The following LANCL1 variants were observed in gnomAD, a reference collection of about 807,000 sequenced individuals.
LANCL1 encodes the protein glutathione S-transferase LANCL1.
A neutral mutation model predicts 50.6 loss-of-function variants in LANCL1; 50 were observed. The ratio of observed to expected loss-of-function variants is 0.99; its 90% confidence interval spans 0.79 to 1.25. The LOEUF is 1.25. LANCL1 is among the 50% of genes most tolerant of loss of function. The pLI, the probability that LANCL1 is intolerant of heterozygous loss-of-function variation, is 0.00. For synonymous variants in LANCL1, 188 were observed against 178.6 expected, an observed-to-expected ratio of 1.05 and a Z score of -0.42; for missense variants, 532 against 480.7, an observed-to-expected ratio of 1.11 and a Z score of -1.00.
intron 4 of LANCL1, among the ~76,000 whole-genome samples, chr2:210,446,146 C>T (rs1202625659): frequency 6.9e-6 from 1 of 145,030 alleles, no homozygotes; most frequent in Non-Finnish European, 1.6e-5. Flanking sequence ...GAGTCCCTGC[C>T]CCCCTGTGCT....
intron 6 of LANCL1, among the ~76,000 whole-genome samples, chr2:210,439,290 G>A (rs1693044553): frequency 6.6e-6 from 1 of 152,144 alleles, no homozygotes; most frequent in Non-Finnish European, 1.5e-5. Context: ...TCTTACTACA[G>A]CTAACACAAG....
chr2:210,458,481 G>A (rs1221051407), intron 3 of LANCL1, among the ~76,000 whole-genome samples: 2 of 152,208 alleles, frequency 1.3e-5, no homozygotes, highest in Middle Eastern at 3.2e-3. Flanking sequence ...TTGCAAGGGA[G>A]TGTATGAAAC....
chr2:210,474,108 T>A (rs3770685), intron 2 of LANCL1, among the ~76,000 whole-genome samples: 1 of 152,034 alleles, frequency 6.6e-6, no homozygotes, highest in African/African-American at 2.4e-5. Flanking sequence ...TGTGAGAATA[T>A]TGATTGCTTG....
chr2:210,448,535 A>C (rs1443147299), intron 4 of LANCL1, among the ~76,000 whole-genome samples: 1 of 151,952 alleles, frequency 6.6e-6, no homozygotes, highest in Non-Finnish European at 1.5e-5. Context: ...GACATGAAAA[A>C]CCCTTCAAAA....
In LANCL1 at chr2:210,471,989, G is replaced by A. The variant is rs142719586; in HGVS notation, c.169C>T (p.Arg57Trp). 1.5e-5 allele frequency: 25 copies of A among 1,613,924 alleles called. No individual in the cohort carries two copies. The highest frequency in any genetic ancestry group is 4.5e-5 in the East Asian group (2 of 44,876). The change falls in exon 3 of 10, where the codon CGG becomes TGG. Residue 57 changes from arginine to tryptophan, a missense_variant. Physicochemically the swap from Arg to Trp is moderately radical, Grantham distance 101 (BLOSUM62 -3). Transcript: ENST00000450366. ...CAGCCAGTGTAACCGGTGCCATCCC[G>A]AGGGTCTGCTGATTTCAGGCCTCTC... Reference protein sequence around the residue: ...MERGLKSADPRDGTGYTGWAG... With the variant: ...MERGLKSADPWDGTGYTGWAG...
rs769141636 is a variant in LANCL1 at position 210,436,302 on chromosome 2, A to C, written c.964T>G (p.Cys322Gly). Residue 322 changes from cysteine (C) to glycine (G), a missense_variant, in exon 8 of 10, where the codon TGC becomes GGC. By Grantham distance (159) the Cys-to-Gly change is radical (BLOSUM62 -3). Transcript: ENST00000450366. ...YGLLKKGYGL[C>G]HGSAGNAYAF... is the part of the protein sequence containing the mutation. ...TAGGCATTCCCTGCAGAACCGTGGC[A>C]CAGCCCATATCCCTTCTTCAGCAAC... The C allele has an allele frequency of 6.2e-7, 1 of 1,614,112 alleles. No individual in the cohort carries two copies. Among genetic ancestry groups the C allele is most frequent in the Non-Finnish European group, 8.5e-7 (1 of 1,179,984 alleles).
chr2:210,442,571 T>C (rs1693177827), intron 4 of LANCL1: 3 of 152,184 alleles, frequency 2.0e-5, no homozygotes, highest in Admixed American at 2.0e-4. Flanking sequence ...CTCTGCACCT[T>C]GTGTCTCCCT....
chr2:210,468,429 T>A (rs1262082448), intron 3 of LANCL1: 2 of 152,192 alleles, frequency 1.3e-5, no homozygotes. Context: ...AAATCATTTT[T>A]CTTGTTATAT....
At chr2:210,466,641 C>G (rs1051780090) in intron 3 of LANCL1, among the ~76,000 whole-genome samples, 4 of 152,174 alleles carry the variant, frequency 2.6e-5, no homozygotes, top group Admixed American at 2.6e-4. Flanking sequence ...TCTCTAAGTT[C>G]TCCAATAAAA....
rs146925909 is a variant in LANCL1, at chr2:210,441,338, C to T, written c.513G>A (p.Val171=). 38 of 1,612,368 alleles carry T rather than the reference C, an allele frequency of 2.4e-5. No individual in the cohort carries two copies. Among genetic ancestry groups the T allele is most frequent in the Non-Finnish European group, 3.2e-5 (38 of 1,179,008 alleles). Residue 171 remains valine (V), a synonymous_variant, in exon 5 of 10, where the codon GTG becomes GTA. Transcript: ENST00000450366. The stretch of plus-strand genomic sequence containing the variant: ...GAATATGGCTTTGAGGAATCTTTTC[C>T]ACTCCAAAGTTCTTATTGACAAAAA... The part of the protein sequence containing the change: ...ALLFVNKNFG[V]EKIPQSHIQQ...
In LANCL1 at chr2:210,437,696, G is replaced by T; in HGVS notation, c.867C>A (p.Ala289=). ...APGVIYMLIQ[A]YKVFREEKYL... ...TCAAAAATACACACAGTACCTTATAGGCCTGGATGAGCATGTAGATTACCC... is the reference window on the plus strand; with the variant it reads ...TCAAAAATACACACAGTACCTTATATGCCTGGATGAGCATGTAGATTACCC... The change falls in exon 7 of 10, where the codon GCC becomes GCA. Residue 289 remains alanine (A), a synonymous_variant. Coordinates refer to ENST00000450366, the MANE Select transcript of LANCL1 (RefSeq NM_006055.3). 6.3e-7 allele frequency: 1 copy of T among 1,585,592 alleles called. No homozygotes were observed. Among genetic ancestry groups the T allele is most frequent in the Non-Finnish European group, 8.6e-7 (1 of 1,168,468 alleles).
At chr2:210,476,790 G>A (rs1694398565), upstream of LANCL1, 5 of 1,013,260 alleles carry the variant, frequency 4.9e-6, no homozygotes, top group Admixed American at 5.3e-5. Context: ...GCCAATCAGA[G>A]CCTTCGCCGT....
At chr2:210,474,739 A>AAAATAAATAAATAAACAAAT (rs1694309501) in intron 2 of LANCL1, among the ~76,000 whole-genome samples, 1 of 147,990 alleles carries the variant, frequency 6.8e-6, no homozygotes, top group Admixed American at 6.7e-5. Context: ...AATAAAAATA[A>AAAATAAATAAATAAACAAAT]AAATAAATAA....
chr2:210,461,812 A>G (rs1470711247), intron 3 of LANCL1, among the ~76,000 whole-genome samples: 6 of 151,740 alleles, frequency 4.0e-5, no homozygotes, highest in Admixed American at 6.6e-5. Context: ...TAAGAGTGGG[A>G]AAAAAAATGA....
intron 4 of LANCL1, among the ~76,000 whole-genome samples, chr2:210,443,926 T>C (rs1289991300): frequency 6.6e-6 from 1 of 152,230 alleles, no homozygotes; most frequent in Non-Finnish European, 1.5e-5. Context: ...GTTTGGAAGA[T>C]GGTACGGGCT....
At position 210,434,569 on chromosome 2, in the gene LANCL1, G is replaced by A; in HGVS notation, c.1124-6C>T. The A allele has an allele frequency of 6.2e-7, 1 of 1,611,162 alleles. No individual in the cohort carries two copies. The highest frequency in any genetic ancestry group is 8.5e-7 in the Non-Finnish European group (1 of 1,177,930). ...ATATATTGTTCCAGCCATTCCTGAA[G>A]AAAGAGAAAGAGGCAAAAGTTATTA... On this transcript the variant is annotated splice_polypyrimidine_tract_variant and splice_region_variant and intron_variant, in intron 9 of 9. Coordinates refer to ENST00000450366, the MANE Select transcript of LANCL1 (RefSeq NM_006055.3).
chr2:210,470,805 T>G (rs954646533), intron 3 of LANCL1, among the ~76,000 whole-genome samples: 4 of 152,304 alleles, frequency 2.6e-5, no homozygotes, highest in Non-Finnish European at 4.4e-5. Context: ...ATTCCTGGGT[T>G]CTGCTCAAGA....
intron 4 of LANCL1, among the ~76,000 whole-genome samples, chr2:210,443,054 C>T (rs1693194454): frequency 6.6e-6 from 1 of 152,158 alleles, no homozygotes; most frequent in African/African-American, 2.4e-5. Context: ...CTTCTCTGTC[C>T]TCCACATCAC....
chr2:210,471,749 C>A, intron 3 of LANCL1: 1 of 742,574 alleles, frequency 1.3e-6, no homozygotes, highest in South Asian at 1.4e-5. Flanking sequence ...CATGAATATG[C>A]TTACCATGCC....
Sources: gnomAD v4.1 joint callset for allele counts (sites outside exome capture counted in the v4.1 genomes callset) on GRCh38, gnomAD v4.1.1 for gene constraint, MANE v1.5 for transcripts, NCBI Gene and HGNC (gene_info 2026-07-23, HGNC 2026-07-21) for gene names.